The following C12orf42 variants were observed in gnomAD, a reference collection of about 807,000 sequenced individuals.
The protein encoded by C12orf42 is chromosome 12 open reading frame 42, also known as uncharacterized protein C12orf42.
A neutral mutation model predicts 21.6 loss-of-function variants in C12orf42; 25 were observed. That is an observed-to-expected ratio of 1.16 (90% CI 0.84 to 1.62). The LOEUF is 1.62. Among genes scored for constraint, C12orf42 ranks in the 40% most tolerant of loss-of-function variants. The pLI, the probability that C12orf42 is intolerant of heterozygous loss-of-function variation, is 0.00. For missense variants in C12orf42, 483 were observed against 459.3 expected (o/e 1.05, Z -0.47); for synonymous variants, 174 against 175.0 (o/e 0.99, Z 0.05).
intron 1 of C12orf42, among the ~76,000 whole-genome samples, chr12:103,494,646 A>G (rs972207756): frequency 2.6e-5 from 4 of 152,160 alleles, no homozygotes; most frequent in Non-Finnish European, 5.9e-5. Context: ...GTGTCTTCAG[A>G]CTTTTTTTTC....
the C12orf42 span, among the ~76,000 whole-genome samples, chr12:103,554,987 CAG>C: frequency 6.6e-6 from 1 of 152,096 alleles, no homozygotes; most frequent in East Asian, 1.9e-4. Flanking sequence ...GTAGGCAAAA[CAG>C]AGTGTTTTTC....
chr12:103,163,148 A>C, the C12orf42 span, among the ~76,000 whole-genome samples: 1 of 152,218 alleles, frequency 6.6e-6, no homozygotes, highest in African/African-American at 2.4e-5. Flanking sequence ...TTACTAGTTG[A>C]ACAAGGAGCA....
the C12orf42 span, among the ~76,000 whole-genome samples, chr12:103,174,257 A>G: frequency 6.6e-6 from 1 of 152,212 alleles, no homozygotes; most frequent in South Asian, 2.1e-4. Context: ...CCTATGGCAG[A>G]GCCCTTACTT....
chr12:103,142,470 A>G, the C12orf42 span, among the ~76,000 whole-genome samples: 1 of 152,180 alleles, frequency 6.6e-6, no homozygotes, highest in Non-Finnish European at 1.5e-5. Flanking sequence ...AATTAGTTTT[A>G]TCTGGTTTAT....
the C12orf42 span, among the ~76,000 whole-genome samples, chr12:103,121,882 T>C: frequency 6.6e-6 from 1 of 152,242 alleles, no homozygotes; most frequent in African/African-American, 2.4e-5. Context: ...TTAACATTTT[T>C]TTAGAGATTA....
chr12:103,191,350 A>G, the C12orf42 span, among the ~76,000 whole-genome samples: 1 of 152,072 alleles, frequency 6.6e-6, no homozygotes. Context: ...AAACATATAA[A>G]CAAATACAAA....
At position 103,269,809 on chromosome 12, in the gene C12orf42, G is replaced by A. The variant is rs370811508; in HGVS notation, n.443C>T. On this transcript the variant is annotated splice_region_variant and non_coding_transcript_exon_variant, in exon 6 of 7. Coordinates refer to the C12orf42 transcript ENST00000546526. ...CGGGTGTCACAGGAGAGACTCACCT[G>A]AGGAGCCAGGAAGTGCAGGAAAGGG... 16 of 152,614 alleles carry A rather than the reference G, an allele frequency of 1.0e-4. No homozygotes were observed. In the East Asian group the frequency reaches 1.7e-3, roughly 17 times the overall value. The allele number at this position is 152,614 out of a possible 1,614,324, so 9.5% of individuals were successfully genotyped here.
intron 10 of C12orf42, among the ~76,000 whole-genome samples, chr12:103,254,520 G>A (rs541306346): frequency 3.9e-5 from 6 of 152,084 alleles, no homozygotes; most frequent in Non-Finnish European, 8.8e-5. Context: ...CAGACACATA[G>A]ACCAGTGAAA....
At chr12:103,083,719 C>T in the C12orf42 span, among the ~76,000 whole-genome samples, 1 of 152,158 alleles carries the variant, frequency 6.6e-6, no homozygotes, top group Non-Finnish European at 1.5e-5. Context: ...TTTCAGCAAA[C>T]ATGTGAACAG....
the C12orf42 span, among the ~76,000 whole-genome samples, chr12:103,116,321 G>C: frequency 2.7e-5 from 4 of 149,772 alleles, no homozygotes; most frequent in Non-Finnish European, 4.4e-5. Flanking sequence ...CTGAGATCAC[G>C]CCATTGCACT....
the C12orf42 span, among the ~76,000 whole-genome samples, chr12:103,186,568 C>G: frequency 7.2e-5 from 11 of 152,146 alleles, no homozygotes; most frequent in East Asian, 1.9e-4. Context: ...ATTATCTCAT[C>G]ATAAGGACAC....
chr12:103,396,793 G>A (rs113391537), intron 3 of C12orf42: 8,995 of 152,340 alleles, frequency 0.059, 255 homozygotes, highest in Middle Eastern at 0.11. Flanking sequence ...GGAAGGGGCT[G>A]GAGAGTAAAA....
chr12:103,176,634 G>A, the C12orf42 span, among the ~76,000 whole-genome samples: 1 of 152,108 alleles, frequency 6.6e-6, no homozygotes, highest in African/African-American at 2.4e-5. Flanking sequence ...AGGAAACTGA[G>A]GCACAGAGAG....
the C12orf42 span, among the ~76,000 whole-genome samples, chr12:103,508,274 T>C: frequency 8.5e-5 from 13 of 152,174 alleles, no homozygotes; most frequent in Non-Finnish European, 1.5e-4. Context: ...AAGGTGGCCA[T>C]ACGATCAGCA....
At chr12:103,484,975 T>C (rs1375991211) in intron 1 of C12orf42, among the ~76,000 whole-genome samples, 1 of 149,434 alleles carries the variant, frequency 6.7e-6, no homozygotes, top group Non-Finnish European at 1.5e-5. Flanking sequence ...GTTCATGCCA[T>C]TCTCCTGCCT....
chr12:103,416,787 T>C (rs2049384297), intron 2 of C12orf42, among the ~76,000 whole-genome samples: 1 of 152,222 alleles, frequency 6.6e-6, no homozygotes, highest in Admixed American at 6.5e-5. Context: ...CCTTGAGAAC[T>C]GACACAGAGT....
At chr12:103,409,921 G>A (rs2048704917) in intron 2 of C12orf42, among the ~76,000 whole-genome samples, 1 of 152,144 alleles carries the variant, frequency 6.6e-6, no homozygotes, top group South Asian at 2.1e-4. Flanking sequence ...CCAGGCAAAA[G>A]TTAATTAACC....
At chr12:103,329,120 G>T (rs559029431) in intron 4 of C12orf42, among the ~76,000 whole-genome samples, 1 of 151,124 alleles carries the variant, frequency 6.6e-6, no homozygotes, top group African/African-American at 2.4e-5. Context: ...TGGCAGGGAC[G>T]CAGGCATGCA....
the C12orf42 span, among the ~76,000 whole-genome samples, chr12:103,535,982 T>C: frequency 1.3e-5 from 2 of 152,294 alleles, no homozygotes; most frequent in East Asian, 3.9e-4. Context: ...TCTCTCGCTA[T>C]GTTGCCCAAG....
Sources: allele counts gnomAD v4.1 joint callset (sites outside exome capture counted in the v4.1 genomes callset), GRCh38; gene constraint gnomAD v4.1.1; transcripts MANE v1.5; gene names NCBI Gene and HGNC (gene_info 2026-07-23, HGNC 2026-07-21).